Variants in DAB2 observed in about 807,000 individuals in gnomAD.
DAB2 encodes disabled homolog 2.
A neutral mutation model predicts 71.6 loss-of-function variants in DAB2; 28 were observed. The ratio of observed to expected loss-of-function variants is 0.39; its 90% CI spans 0.29 to 0.54. The LOEUF (loss-of-function observed/expected upper bound fraction) is 0.54, where lower values mean the gene tolerates loss of function less well. DAB2 is among the 20% of genes least tolerant of loss of function. The pLI is 0.68. For missense variants in DAB2, 867 were observed against 928.8 expected (o/e 0.93, Z 0.86); for synonymous variants, 345 against 339.7 (o/e 1.02, Z -0.17).
At chr5:39,396,134 A>C (rs1308393305) in intron 1 of DAB2, among the ~76,000 whole-genome samples, 1 of 151,784 alleles carries the variant, frequency 6.6e-6, no homozygotes, top group Non-Finnish European at 1.5e-5. Flanking sequence ...TTTTCAGTAG[A>C]GACGGAGTTT....
chr5:39,405,122 AAC>A (rs1755583908), intron 1 of DAB2, among the ~76,000 whole-genome samples: 1 of 152,230 alleles, frequency 6.6e-6, no homozygotes. Flanking sequence ...TGCTTGTATG[AAC>A]ACAGACATGC....
At chr5:39,401,614 A>T (rs909894595) in intron 1 of DAB2, among the ~76,000 whole-genome samples, 1 of 152,198 alleles carries the variant, frequency 6.6e-6, no homozygotes, top group Non-Finnish European at 1.5e-5. Context: ...GCTATTAGAA[A>T]AAAAATCAGT....
At position 39,391,965 on chromosome 5, in the gene DAB2, C is replaced by CA. The variant is rs10708821; in HGVS notation, c.330+399dup. ...TAATCTAGTTCTGTATACCCGAGGT[C>CA]AAAAAAAAAAAAAAAAATATATATA... On this transcript the variant is annotated intron_variant, in intron 4 of 14. Transcript: ENST00000320816. Among the ~76,000 whole-genome samples, 27 of 141,482 alleles carry CA rather than the reference C, an allele frequency of 1.9e-4. No individual in the cohort carries two copies. In the East Asian group the frequency reaches 5.2e-3, roughly 27 times the overall value. 92.8% of individuals were successfully genotyped at this position (141,482 alleles called of 152,430 possible). A position where few individuals can be genotyped will look rare whatever the true frequency, so the allele number is the denominator to read the frequency against.
At chr5:39,378,980 G>T (rs1754894435) in intron 11 of DAB2, among the ~76,000 whole-genome samples, 1 of 152,140 alleles carries the variant, frequency 6.6e-6, no homozygotes, top group Admixed American at 6.5e-5. Flanking sequence ...GAACAAAGTT[G>T]TTGCTTGTAT....
chr5:39,396,285 C>T (rs1478534031), intron 1 of DAB2, among the ~76,000 whole-genome samples: 3 of 152,186 alleles, frequency 2.0e-5, no homozygotes, highest in Admixed American at 1.3e-4. Context: ...TGTCTGGCCC[C>T]AAACCAGAGT....
At position 39,378,757 on chromosome 5, in the gene DAB2, C is replaced by G. The variant is rs148816093; in HGVS notation, c.1505-1475G>C. On this transcript the variant is annotated intron_variant, in intron 11 of 14. Transcript: ENST00000320816. ...TGGTAGAAACTGAAAATCAGGCACACTGGCTCTAAATCCGGCACCCCATTC... is the reference window on the plus strand; with the variant it reads ...TGGTAGAAACTGAAAATCAGGCACAGTGGCTCTAAATCCGGCACCCCATTC... Among the ~76,000 whole-genome samples, 39 of 152,302 alleles carry G rather than the reference C, an allele frequency of 2.6e-4. 1 individual carries two copies. The East Asian group carries it at 3.5e-3, about 14-fold the overall frequency.
rs556741751 is a variant in DAB2, at chr5:39,422,057, G to A, written c.-102+2747C>T. On this transcript the variant is annotated intron_variant, in intron 1 of 14. Transcript: ENST00000320816. The surrounding 1 kb of genome is among the most constrained non-coding windows in gnomAD (Gnocchi z 4.1). ...TGTACTCCAGCATGGGCAACAGAGG[G>A]AGACTCTGTCTCAAACAAAACAAAA... Among the ~76,000 whole-genome samples, 605 of 152,220 alleles carry A rather than the reference G, an allele frequency of 4.0e-3. 4 individuals are homozygous for A. Among genetic ancestry groups the A allele is most frequent in the Admixed American group, 8.1e-3 (124 of 15,294 alleles).
At chr5:39,395,160 T>C (rs1054053251) in intron 1 of DAB2, among the ~76,000 whole-genome samples, 2 of 152,128 alleles carry the variant, frequency 1.3e-5, no homozygotes, top group Non-Finnish European at 2.9e-5. Context: ...AACAGGAAAA[T>C]GCAGTCATTG....
intron 6 of DAB2, among the ~76,000 whole-genome samples, 154 bp downstream of exon 6, chr5:39,389,698 G>A (rs910688025): frequency 2.0e-5 from 3 of 152,100 alleles, no homozygotes; most frequent in Non-Finnish European, 4.4e-5. Flanking sequence ...TTTTAGTAGT[G>A]ATGAGGTTTC....
intron 1 of DAB2, among the ~76,000 whole-genome samples, chr5:39,410,024 T>A (rs1255667785): frequency 6.6e-6 from 1 of 152,178 alleles, no homozygotes; most frequent in African/African-American, 2.4e-5. Flanking sequence ...TATTCTAGGA[T>A]TTATAGAGGG....
At chr5:39,417,287 A>G (rs1439085999) in intron 1 of DAB2, 1 of 136,544 alleles carries the variant, frequency 7.3e-6, no homozygotes, top group Non-Finnish European at 1.6e-5. Flanking sequence ...CCCAGAATCT[A>G]AAGTATAAAA....
intron 14 of DAB2, chr5:39,374,797 G>T (rs746514840): frequency 6.1e-6 from 3 of 494,324 alleles, no homozygotes; most frequent in Non-Finnish European, 1.1e-5. Context: ...ATCCCCAAGG[G>T]TATATTACTA....
intron 1 of DAB2, among the ~76,000 whole-genome samples, chr5:39,397,911 G>T (rs1267149197): frequency 6.6e-6 from 1 of 152,104 alleles, no homozygotes; most frequent in Admixed American, 6.5e-5. Context: ...TTCATGGGAG[G>T]CAATTGAAGT....
intron 6 of DAB2, among the ~76,000 whole-genome samples, chr5:39,389,542 G>A (rs1193615964): frequency 2.0e-5 from 3 of 152,106 alleles, no homozygotes; most frequent in East Asian, 1.9e-4. Flanking sequence ...ACAGAGTCTC[G>A]TTCTGTCGCC....
At chr5:39,401,196 G>A (rs1755488808) in intron 1 of DAB2, among the ~76,000 whole-genome samples, 1 of 152,134 alleles carries the variant, frequency 6.6e-6, no homozygotes, top group Non-Finnish European at 1.5e-5. Context: ...ATGAGACTAT[G>A]CTAATGCATA....
At chr5:39,384,127 A>C (rs1379319218) in intron 9 of DAB2, among the ~76,000 whole-genome samples, 1 of 152,224 alleles carries the variant, frequency 6.6e-6, no homozygotes. Flanking sequence ...GTGTTGTGAC[A>C]GTAATCTCAT....
At chr5:39,385,873 A>G (rs1755088768) in intron 9 of DAB2, among the ~76,000 whole-genome samples, 1 of 152,184 alleles carries the variant, frequency 6.6e-6, no homozygotes, top group Non-Finnish European at 1.5e-5. Flanking sequence ...TTCTAGCCCA[A>G]CTATGATCTA....
At chr5:39,385,003 G>A (rs576726700) in intron 9 of DAB2, among the ~76,000 whole-genome samples, 2 of 152,080 alleles carry the variant, frequency 1.3e-5, no homozygotes, top group South Asian at 4.2e-4. Flanking sequence ...ATACCCAATT[G>A]TTTAGAAAGT....
At position 39,381,557 on chromosome 5, in the gene DAB2, T is replaced by C; in HGVS notation, c.1401A>G (p.Ser467=). ...DIFAPPVSEP[S]GQASPTGQPT... ...GTTGTCCTGTGGGTGACGCCTGGCCTGAAGGTTCTGAGACGGGAGGAGCAA... is the reference window on the plus strand; with the variant it reads ...GTTGTCCTGTGGGTGACGCCTGGCCCGAAGGTTCTGAGACGGGAGGAGCAA... The change falls in exon 11 of 15, where the codon TCA becomes TCG. Residue 467 remains serine, a synonymous_variant. Coordinates refer to ENST00000320816, the MANE Select transcript of DAB2 (RefSeq NM_001343.4). 6.2e-7 allele frequency: 1 copy of C among 1,614,050 alleles called. No homozygotes were observed. The highest frequency in any genetic ancestry group is 8.5e-7 in the Non-Finnish European group (1 of 1,179,960).
Sources: gnomAD v4.1 joint callset for allele counts (sites outside exome capture counted in the v4.1 genomes callset) on GRCh38, gnomAD v4.1.1 for gene constraint, Gnocchi (gnomAD v3.1) non-coding constraint, MANE v1.5 for transcripts, NCBI Gene and HGNC (gene_info 2026-07-23, HGNC 2026-07-21) for gene names.